Variants in LARGE1 observed in about 807,000 individuals in gnomAD.
LARGE1 encodes the protein xylosyl- and glucuronyltransferase LARGE1.
In LARGE1, 43 loss-of-function variants were observed where a neutral mutation model predicts 87.6. The observed-to-expected ratio is 0.49, with a 90% CI of 0.38 to 0.63. The LOEUF (loss-of-function observed/expected upper bound fraction) is 0.63, where lower values mean the gene tolerates loss of function less well. LARGE1 is among the 30% of genes least tolerant of loss of function. The pLI is 0.00. For synonymous variants in LARGE1, 434 were observed against 394.6 expected, an observed-to-expected ratio of 1.10 and a Z score of -1.18; for missense variants, 802 against 1,000.2, an observed-to-expected ratio of 0.80 and a Z score of 2.67.
intron 6 of LARGE1, among the ~76,000 whole-genome samples, chr22:33,544,383 T>TA (rs1218555092): frequency 6.6e-6 from 1 of 152,056 alleles, no homozygotes; most frequent in Non-Finnish European, 1.5e-5. Flanking sequence ...GTTTAGCAAA[T>TA]AGAGTGGAAA....
chr22:33,334,419 AAAAC>A (rs773114116), intron 10 of LARGE1, among the ~76,000 whole-genome samples: 7,396 of 71,912 alleles, frequency 0.1, 681 homozygotes, highest in African/African-American at 0.29. Context: ...CAAAAAAAAA[AAAAC>A]AAAAAAAAAA....
intron 6 of LARGE1, among the ~76,000 whole-genome samples, chr22:33,466,171 A>C (rs779409028): frequency 1.1e-4 from 17 of 152,118 alleles, no homozygotes; most frequent in Non-Finnish European, 2.1e-4. Context: ...GCCCACGCAC[A>C]TGCTGAAATG....
At chr22:33,233,531 G>C (rs1926111662) in intron 11 of LARGE1, among the ~76,000 whole-genome samples, 2 of 152,052 alleles carry the variant, frequency 1.3e-5, no homozygotes, top group Non-Finnish European at 2.9e-5. Flanking sequence ...AGTCTAGGCT[G>C]TGGGGGGCCT....
At chr22:33,630,477 C>T (rs2080073438) in intron 3 of LARGE1, among the ~76,000 whole-genome samples, 3 of 152,194 alleles carry the variant, frequency 2.0e-5, no homozygotes, top group Admixed American at 2.0e-4. Context: ...GAGTCTACTG[C>T]TCCTAGGCTA....
the LARGE1 span, among the ~76,000 whole-genome samples, chr22:33,091,155 G>A: frequency 6.6e-6 from 1 of 152,122 alleles, no homozygotes; most frequent in African/African-American, 2.4e-5. Context: ...TTTCTCACAT[G>A]ACAATTATAT....
chr22:33,739,430 A>G (rs76672817), intron 2 of LARGE1, among the ~76,000 whole-genome samples: 8,295 of 152,316 alleles, frequency 0.054, 266 homozygotes, highest in Non-Finnish European at 0.081. Context: ...TTCATAAACC[A>G]AAAAACCTAC....
the LARGE1 span, among the ~76,000 whole-genome samples, chr22:33,089,410 T>C: frequency 4.0e-5 from 5 of 123,716 alleles, no homozygotes; most frequent in Middle Eastern, 3.8e-3. Context: ...TTTCTTCTTC[T>C]TCTACTTCTT....
At chr22:33,475,623 G>A (rs1306768826) in intron 6 of LARGE1, among the ~76,000 whole-genome samples, 1 of 151,858 alleles carries the variant, frequency 6.6e-6, no homozygotes, top group African/African-American at 2.4e-5. Context: ...CACGACACCT[G>A]GCTAATTTTT....
At chr22:33,577,209 A>T (rs1002842020) in intron 5 of LARGE1, among the ~76,000 whole-genome samples, 2 of 152,232 alleles carry the variant, frequency 1.3e-5, no homozygotes, top group Non-Finnish European at 2.9e-5. Flanking sequence ...ATGGTTTGGT[A>T]TTAAAATCTC....
At chr22:33,319,100 C>T (rs77737623) in intron 10 of LARGE1, among the ~76,000 whole-genome samples, 7,397 of 152,224 alleles carry the variant, frequency 0.049, 330 homozygotes, top group African/African-American at 0.13. Flanking sequence ...CCCCACTCCC[C>T]GCCACCCCAG....
At chr22:33,084,016 C>T in the LARGE1 span, among the ~76,000 whole-genome samples, 2 of 152,276 alleles carry the variant, frequency 1.3e-5, no homozygotes, top group African/African-American at 2.4e-5. Context: ...CACTTTACAC[C>T]CCAGTAAACC....
chr22:33,093,111 A>T, the LARGE1 span, among the ~76,000 whole-genome samples: 1 of 152,350 alleles, frequency 6.6e-6, no homozygotes, highest in East Asian at 1.9e-4. Context: ...ATTTTCACCC[A>T]GGAGAGTGAG....
chr22:33,746,706 T>C lies in LARGE1; in HGVS notation c.106+14665A>G, dbSNP rs118097660. On this transcript the variant is annotated intron_variant, in intron 2 of 14. Coordinates refer to ENST00000397394, the MANE Select transcript of LARGE1 (RefSeq NM_133642.5). Reference sequence around the variant, plus strand: ...TACAAACAATATATTTGCCAGGCACTTGGTGTGAAAACTAAGATTTAAGTC... The same window carrying C: ...TACAAACAATATATTTGCCAGGCACCTGGTGTGAAAACTAAGATTTAAGTC... Among the ~76,000 whole-genome samples the C allele has an allele frequency of 7.6e-3, 1,154 of 152,316 alleles. 39 individuals are homozygous for C. Among genetic ancestry groups the C allele is most frequent in the Admixed American group, 0.062 (949 of 15,296 alleles).
intron 11 of LARGE1, among the ~76,000 whole-genome samples, chr22:33,309,148 C>G (rs372945301): frequency 2.0e-5 from 3 of 150,824 alleles, no homozygotes; most frequent in East Asian, 3.9e-4. Flanking sequence ...GAGGGTGGAA[C>G]TCTCTTGAAT....
At position 33,790,669 on chromosome 22, in the gene LARGE1, T is replaced by G. The variant is rs373565532; in HGVS notation, c.-82-29111A>C. ...ATCTATCTTTTTGCCTTCAGATATATGATGAAAGACCAGGCTATGCCTCTC... is the reference window on the plus strand; with the variant it reads ...ATCTATCTTTTTGCCTTCAGATATAGGATGAAAGACCAGGCTATGCCTCTC... On this transcript the variant is annotated intron_variant, in intron 1 of 14. Coordinates refer to ENST00000397394, the MANE Select transcript of LARGE1 (RefSeq NM_133642.5). Among the ~76,000 whole-genome samples, 78 of 152,320 alleles carry G rather than the reference T, an allele frequency of 5.1e-4. 1 individual carries two copies. Among genetic ancestry groups the G allele is most frequent in the African/African-American group, 1.8e-3 (73 of 41,576 alleles).
chr22:33,325,933 G>T (rs1019492053), intron 10 of LARGE1, among the ~76,000 whole-genome samples: 1 of 152,176 alleles, frequency 6.6e-6, no homozygotes, highest in African/African-American at 2.4e-5. Flanking sequence ...AGAGAAGCTG[G>T]GGCTCCAACT....
chr22:33,603,482 G>A (rs1411556310), intron 5 of LARGE1, among the ~76,000 whole-genome samples: 1 of 152,196 alleles, frequency 6.6e-6, no homozygotes, highest in Non-Finnish European at 1.5e-5. Context: ...AGGTTCAGTA[G>A]ACAGACAAGT....
At chr22:33,626,362 A>C (rs1661649379) in intron 3 of LARGE1, 36 bp from the exon 4 acceptor site, 1 of 1,548,644 alleles carries the variant, frequency 6.5e-7, no homozygotes. Flanking sequence ...GCAGTCAGAC[A>C]GACGGAAGGA....
Position 33,649,136 on chromosome 22 carries a change from C to G in LARGE1, c.408+1231G>C, listed in dbSNP as rs373379603. ...TGTCGGATGCTCTCTACCTCTCCAC[C>G]AATCCACTTTTCAACCAGGCTTGAG... On this transcript the variant is annotated intron_variant, in intron 3 of 14. Coordinates refer to ENST00000397394, the MANE Select transcript of LARGE1 (RefSeq NM_133642.5). 1.3e-3 allele frequency among the ~76,000 whole-genome samples: 198 copies of G among 152,290 alleles called. 1 individual carries two copies. The highest frequency in any genetic ancestry group is 4.5e-3 in the African/African-American group (187 of 41,574).
Sources: allele counts gnomAD v4.1 joint callset (sites outside exome capture counted in the v4.1 genomes callset), GRCh38; gene constraint gnomAD v4.1.1; transcripts MANE v1.5; gene names NCBI Gene and HGNC (gene_info 2026-07-23, HGNC 2026-07-21).